DIP2C: variants seen among roughly 807,000 people sequenced by gnomAD.
DIP2C encodes disco-interacting protein 2 homolog C.
A neutral mutation model predicts 192.4 loss-of-function variants in DIP2C; 33 were observed. The ratio of observed to expected loss-of-function variants is 0.17; its 90% CI spans 0.13 to 0.23. The LOEUF is 0.23. Among genes scored for constraint, DIP2C ranks in the 10% least tolerant of loss-of-function variants. DIP2C has a pLI of 1.00. For missense variants in DIP2C, 1,537 were observed against 2,110.1 expected, an observed-to-expected ratio of 0.73 and a Z score of 5.32; for synonymous variants, 979 against 864.1, an observed-to-expected ratio of 1.13 and a Z score of -2.33.
At chr10:504,321 G>A (rs759396976) in intron 1 of DIP2C, among the ~76,000 whole-genome samples, 10 of 152,332 alleles carry the variant, frequency 6.6e-5, no homozygotes, top group East Asian at 3.9e-4. Flanking sequence ...TCCCACCCCC[G>A]AGACGGCAAA....
intron 3 of DIP2C, among the ~76,000 whole-genome samples, chr10:459,631 C>T (rs1024210003): frequency 2.1e-5 from 3 of 145,224 alleles, no homozygotes; most frequent in Non-Finnish European, 3.0e-5. Flanking sequence ...GGAACAGTGT[C>T]CTTCATCTGG....
chr10:492,291 A>C (rs1844504551), intron 1 of DIP2C, among the ~76,000 whole-genome samples: 1 of 152,134 alleles, frequency 6.6e-6, no homozygotes, highest in Non-Finnish European at 1.5e-5. Flanking sequence ...GGCTGTGACC[A>C]AACTCCCCAC....
At chr10:334,016 T>C (rs1042762060) in intron 29 of DIP2C, among the ~76,000 whole-genome samples, 7 of 152,146 alleles carry the variant, frequency 4.6e-5, no homozygotes, top group African/African-American at 1.4e-4. Flanking sequence ...TGAGTGTTTA[T>C]TACATAGGCT....
intron 1 of DIP2C, among the ~76,000 whole-genome samples, chr10:508,888 G>C (rs922068475): frequency 1.3e-5 from 2 of 152,168 alleles, no homozygotes; most frequent in Non-Finnish European, 2.9e-5. Flanking sequence ...TCCAACAGCA[G>C]TGCTGGAAGG....
At chr10:414,755 ATAATGTG>A (rs1357231484) in intron 7 of DIP2C, among the ~76,000 whole-genome samples, 11 of 131,364 alleles carry the variant, frequency 8.4e-5, no homozygotes, top group African/African-American at 2.6e-4. Flanking sequence ...ATATATATAT[ATAATGTG>A]TATATATATA....
intron 1 of DIP2C, among the ~76,000 whole-genome samples, chr10:522,658 G>A (rs1363425240): frequency 6.6e-6 from 1 of 152,250 alleles, no homozygotes; most frequent in Non-Finnish European, 1.5e-5. Flanking sequence ...ATGTGGATTT[G>A]CCATCTGTGT....
intron 17 of DIP2C, among the ~76,000 whole-genome samples, chr10:380,419 A>T (rs1212673489): frequency 1.3e-5 from 2 of 150,300 alleles, no homozygotes; most frequent in Non-Finnish European, 3.0e-5. Flanking sequence ...CTGTCCCTGG[A>T]TGATGTTTAA....
chr10:544,262 G>A (rs1182544846), intron 1 of DIP2C, among the ~76,000 whole-genome samples: 8 of 152,246 alleles, frequency 5.3e-5, no homozygotes, highest in Non-Finnish European at 1.0e-4. Context: ...AAGGCTCATT[G>A]GAGCACATGT....
intron 1 of DIP2C, among the ~76,000 whole-genome samples, chr10:543,508 T>C (rs1464225325): frequency 6.6e-6 from 1 of 152,224 alleles, no homozygotes; most frequent in East Asian, 1.9e-4. Context: ...AGCATTCAGC[T>C]CACGTTTACA....
intron 24 of DIP2C, among the ~76,000 whole-genome samples, chr10:351,971 T>C (rs1958833928): frequency 6.6e-6 from 1 of 152,184 alleles, no homozygotes; most frequent in Non-Finnish European, 1.5e-5. Flanking sequence ...CCCATCGCTG[T>C]GAGCATGGAC....
intron 1 of DIP2C, among the ~76,000 whole-genome samples, chr10:555,838 C>T (rs10904501): frequency 0.085 from 12,872 of 152,174 alleles, 668 homozygotes; most frequent in East Asian, 0.18. Flanking sequence ...TCCGTTCCAC[C>T]CCCACGGGAG....
At chr10:635,385 T>A (rs144664310) in intron 1 of DIP2C, among the ~76,000 whole-genome samples, 228 of 152,230 alleles carry the variant, frequency 1.5e-3, no homozygotes, top group African/African-American at 4.9e-3. Context: ...TCTGGACAGG[T>A]TGTCAAGGAT....
intron 28 of DIP2C, 81 bp downstream of exon 28, chr10:344,728 T>TG (rs1302395108): frequency 2.5e-6 from 3 of 1,202,250 alleles, no homozygotes; most frequent in African/African-American, 3.0e-5. Context: ...CGAGAGGCGC[T>TG]GAGAGCCAGC....
At chr10:608,892 T>C (rs1054751687) in intron 1 of DIP2C, among the ~76,000 whole-genome samples, 4 of 151,426 alleles carry the variant, frequency 2.6e-5, no homozygotes, top group Non-Finnish European at 5.9e-5. Context: ...GAAATATACT[T>C]GCAAGTGGTT....
chr10:289,402 A>G (rs1004671954), intron 32 of DIP2C, among the ~76,000 whole-genome samples: 9 of 152,090 alleles, frequency 5.9e-5, no homozygotes, highest in Non-Finnish European at 1.5e-5. Flanking sequence ...CTGAGTTGCT[A>G]GGGCTACAGG....
intron 29 of DIP2C, among the ~76,000 whole-genome samples, chr10:338,316 C>T (rs1345161090): frequency 6.6e-6 from 1 of 152,182 alleles, no homozygotes; most frequent in Non-Finnish European, 1.5e-5. Context: ...CAATAGTGTG[C>T]AGTCGTGTCC....
chr10:495,515 G>C (rs1309916632), intron 1 of DIP2C, among the ~76,000 whole-genome samples: 1 of 151,606 alleles, frequency 6.6e-6, no homozygotes, highest in Non-Finnish European at 1.5e-5. Context: ...TATAGGTTTT[G>C]AATGTTGGTT....
chr10:674,912 G>T (rs373968761), intron 1 of DIP2C, among the ~76,000 whole-genome samples: 4 of 149,568 alleles, frequency 2.7e-5, no homozygotes, highest in African/African-American at 9.9e-5. Context: ...ACAAAATATC[G>T]AATTTAAAGT....
chr10:678,678 C>CGCCCATGCTCCCCAT (rs797019856), intron 1 of DIP2C, among the ~76,000 whole-genome samples: 793 of 13,798 alleles, frequency 0.057, 111 homozygotes, highest in African/African-American at 0.082. Flanking sequence ...CAGCTCCCCA[C>CGCCCATGCTCCCCAT]GCCCATGCTC....
Sources: allele counts gnomAD v4.1 joint callset (sites outside exome capture counted in the v4.1 genomes callset), GRCh38; gene constraint gnomAD v4.1.1; transcripts MANE v1.5; gene names NCBI Gene and HGNC (gene_info 2026-07-23, HGNC 2026-07-21).